SCAPER: variants seen among roughly 807,000 people sequenced by gnomAD.
SCAPER encodes the protein S-phase cyclin A associated protein in the ER.
A neutral mutation model predicts 182.2 loss-of-function variants in SCAPER; 98 were observed. The observed-to-expected ratio is 0.54, with a 90% CI of 0.46 to 0.64. The LOEUF is 0.64. SCAPER is among the 30% of genes least tolerant of loss of function. SCAPER has a pLI of 0.00. For synonymous variants in SCAPER, 605 were observed against 564.6 expected (o/e 1.07, Z -1.01); for missense variants, 1,432 against 1,690.0 (o/e 0.85, Z 2.68).
intron 8 of SCAPER, among the ~76,000 whole-genome samples, chr15:76,785,779 A>G (rs2064543553): frequency 6.6e-6 from 1 of 152,198 alleles, no homozygotes; most frequent in Non-Finnish European, 1.5e-5. Context: ...TCACAAGGAC[A>G]GAAACCAAAC....
At chr15:76,752,194 C>A (rs999469781) in intron 15 of SCAPER, among the ~76,000 whole-genome samples, 5 of 151,644 alleles carry the variant, frequency 3.3e-5, no homozygotes, top group Non-Finnish European at 5.9e-5. Context: ...CCAAATAACA[C>A]ACATCAGAAT....
intron 22 of SCAPER, among the ~76,000 whole-genome samples, chr15:76,618,891 C>G (rs1282852222): frequency 6.6e-6 from 1 of 152,206 alleles, no homozygotes; most frequent in African/African-American, 2.4e-5. Flanking sequence ...ATTGCCTGGG[C>G]TGCAGTATAG....
intron 20 of SCAPER, among the ~76,000 whole-genome samples, chr15:76,681,994 C>T (rs2057739351): frequency 6.6e-6 from 1 of 152,188 alleles, no homozygotes; most frequent in Non-Finnish European, 1.5e-5. Context: ...TGGGCACCGC[C>T]CTGTATGCTA....
chr15:76,398,378 T>G (rs567582739), intron 27 of SCAPER, among the ~76,000 whole-genome samples: 9 of 152,314 alleles, frequency 5.9e-5, no homozygotes, highest in African/African-American at 2.2e-4. Flanking sequence ...TATAGGCATC[T>G]TTTTCCCCCT....
Position 76,589,164 on chromosome 15 carries a change from G to C in SCAPER, c.2712-14880C>G, listed in dbSNP as rs369580433. ...TCTGTGAGGGTCCTTAGTTGCAGTCGTTTAATACACTAGTTTTGTGTTGTT... is the reference window on the plus strand; with the variant it reads ...TCTGTGAGGGTCCTTAGTTGCAGTCCTTTAATACACTAGTTTTGTGTTGTT... On this transcript the variant is annotated intron_variant, in intron 22 of 31. Coordinates refer to ENST00000563290, the MANE Select transcript of SCAPER (RefSeq NM_020843.4). Among the ~76,000 whole-genome samples the C allele has an allele frequency of 2.6e-5, 4 of 152,256 alleles. No homozygotes were observed. In the South Asian group the frequency reaches 6.2e-4, roughly 24 times the overall value.
At chr15:76,793,261 C>G in intron 8 of SCAPER, 1 of 1,016,868 alleles carries the variant, frequency 9.8e-7, no homozygotes, top group Non-Finnish European at 1.5e-6. Context: ...TATATTTGGT[C>G]TTCATCTCAA....
At chr15:76,874,759 C>T (rs144397036) in intron 2 of SCAPER, among the ~76,000 whole-genome samples, 99 of 152,096 alleles carry the variant, frequency 6.5e-4, no homozygotes, top group African/African-American at 2.2e-3. Context: ...GAGTTCAAGA[C>T]CAGACTGGAC....
intron 21 of SCAPER, among the ~76,000 whole-genome samples, chr15:76,662,120 G>A (rs150117910): frequency 1.3e-3 from 200 of 152,294 alleles, no homozygotes; most frequent in African/African-American, 4.7e-3. Flanking sequence ...TCGTAAGTGG[G>A]AGCTGAACAA....
At chr15:76,493,103 G>C (rs2052488245) in intron 24 of SCAPER, among the ~76,000 whole-genome samples, 2 of 152,048 alleles carry the variant, frequency 1.3e-5, no homozygotes, top group African/African-American at 2.4e-5. Context: ...CTCCAGAGAA[G>C]GGTCTTCAAG....
intron 4 of SCAPER, among the ~76,000 whole-genome samples, chr15:76,849,723 C>T (rs1288224026): frequency 1.3e-5 from 2 of 152,216 alleles, no homozygotes; most frequent in Non-Finnish European, 2.9e-5. Flanking sequence ...CATCCCAAAG[C>T]TTCAACACCA....
At chr15:76,754,667 G>A (rs573329412) in intron 14 of SCAPER, among the ~76,000 whole-genome samples, 1 of 149,384 alleles carries the variant, frequency 6.7e-6, no homozygotes, top group Non-Finnish European at 1.5e-5. Context: ...ATCAGAAGAT[G>A]GGTCAATATG....
chr15:76,544,363 T>G (rs1326931376), intron 23 of SCAPER, among the ~76,000 whole-genome samples: 1 of 152,134 alleles, frequency 6.6e-6, no homozygotes, highest in Non-Finnish European at 1.5e-5. Flanking sequence ...TGTACATGAG[T>G]AGTTGTGGCA....
chr15:76,804,586 C>T lies in SCAPER; in HGVS notation c.441G>A (p.Leu147=). 2 of 1,611,656 alleles carry T rather than the reference C, an allele frequency of 1.2e-6. No individual in the cohort carries two copies. Among genetic ancestry groups the T allele is most frequent in the Non-Finnish European group, 1.7e-6 (2 of 1,179,426 alleles). Residue 147 remains leucine, a synonymous_variant, in exon 6 of 32, where the codon TTG becomes TTA. Coordinates refer to ENST00000563290, the MANE Select transcript of SCAPER (RefSeq NM_020843.4). ...TTTCCTGAAGCTGAATCCAGTCAATCAATGCTTTGAAATCTCTTACATAGT... is the reference window on the plus strand; with the variant it reads ...TTTCCTGAAGCTGAATCCAGTCAATTAATGCTTTGAAATCTCTTACATAGT... ...LDNYVRDFKA[L]IDWIQLQEKL... is the part of the protein sequence containing the mutation.
chr15:76,618,944 G>A (rs1156514499), intron 22 of SCAPER, among the ~76,000 whole-genome samples: 3 of 152,046 alleles, frequency 2.0e-5, no homozygotes, highest in South Asian at 2.1e-4. Flanking sequence ...TCCCGGGTTC[G>A]AGCGATTCTC....
rs554587883 is a variant in SCAPER, at chr15:76,904,263, T to C, written c.-60+1036A>G. Reference sequence around the variant, plus strand: ...AACCTTTTGAGCCCCCGTTTCTCCATTCATAAAATAAGTATTACTCCTAGC... The same window carrying C: ...AACCTTTTGAGCCCCCGTTTCTCCACTCATAAAATAAGTATTACTCCTAGC... On this transcript the variant is annotated intron_variant, in intron 1 of 31. Transcript: ENST00000563290. Among the ~76,000 whole-genome samples the C allele has an allele frequency of 2.6e-5, 4 of 152,280 alleles. No homozygotes were observed. In the East Asian group the frequency reaches 7.7e-4, roughly 29 times the overall value.
At chr15:76,548,236 T>G (rs1406681464) in intron 23 of SCAPER, among the ~76,000 whole-genome samples, 1 of 152,168 alleles carries the variant, frequency 6.6e-6, no homozygotes, top group African/African-American at 2.4e-5. Context: ...AAAAACTGTT[T>G]GTGGAGTTAC....
chr15:76,485,222 G>A (rs1465030035), intron 24 of SCAPER, among the ~76,000 whole-genome samples: 1 of 151,924 alleles, frequency 6.6e-6, no homozygotes, highest in Non-Finnish European at 1.5e-5. Context: ...AAAAATCAAT[G>A]TGTAAATATC....
chr15:76,377,690 GA>G (rs1481107848), intron 28 of SCAPER, among the ~76,000 whole-genome samples: 1 of 152,150 alleles, frequency 6.6e-6, no homozygotes, highest in Non-Finnish European at 1.5e-5. Flanking sequence ...GCTGAAGAGG[GA>G]AAAATATTTT....
intron 22 of SCAPER, among the ~76,000 whole-genome samples, chr15:76,597,746 A>G (rs2049617057): frequency 8.3e-6 from 1 of 121,068 alleles, no homozygotes; most frequent in African/African-American, 2.5e-5. Context: ...CTGGCTAGCC[A>G]TATGTAGAGA....
Sources: gnomAD v4.1 joint callset for allele counts (sites outside exome capture counted in the v4.1 genomes callset) on GRCh38, gnomAD v4.1.1 for gene constraint, MANE v1.5 for transcripts, NCBI Gene and HGNC (gene_info 2026-07-23, HGNC 2026-07-21) for gene names.